Variants in NRCAM observed in about 807,000 individuals in gnomAD.
The protein encoded by NRCAM is neuronal cell adhesion molecule, also known as NgCAM-related cell adhesion molecule.
A neutral mutation model predicts 156.5 loss-of-function variants in NRCAM; 83 were observed. The observed-to-expected ratio is 0.53, with a 90% CI of 0.44 to 0.64. The LOEUF (loss-of-function observed/expected upper bound fraction) is 0.64. NRCAM is among the 30% of genes least tolerant of loss of function. The pLI, the probability that NRCAM is intolerant of heterozygous loss-of-function variation, is 0.00. For missense variants in NRCAM, 1,417 were observed against 1,597.3 expected, an observed-to-expected ratio of 0.89 and a Z score of 1.92; for synonymous variants, 538 against 563.9, an observed-to-expected ratio of 0.95 and a Z score of 0.65.
chr7:108,232,113 T>C (rs1448959876), intron 7 of NRCAM, among the ~76,000 whole-genome samples: 1 of 152,084 alleles, frequency 6.6e-6, no homozygotes, highest in African/African-American at 2.4e-5. Context: ...TACACAGGAC[T>C]TCTGTAAAAG....
At chr7:108,257,088 AAAG>A (rs947378679) in intron 3 of NRCAM, among the ~76,000 whole-genome samples, 15 of 150,916 alleles carry the variant, frequency 9.9e-5, no homozygotes, top group African/African-American at 3.7e-4. Context: ...GGAAGGAAGG[AAAG>A]AAGGAAGGAA....
intron 1 of NRCAM, among the ~76,000 whole-genome samples, chr7:108,423,443 T>C (rs1281312914): frequency 6.6e-6 from 1 of 151,850 alleles, no homozygotes; most frequent in African/African-American, 2.4e-5. Flanking sequence ...GAGGCACACA[T>C]AAAATGAGAA....
chr7:108,336,626 T>C (rs975998921), intron 2 of NRCAM, among the ~76,000 whole-genome samples: 3 of 152,212 alleles, frequency 2.0e-5, no homozygotes, highest in Non-Finnish European at 2.9e-5. Flanking sequence ...TTCTAAAAGA[T>C]TTTATCTGAG....
intron 3 of NRCAM, among the ~76,000 whole-genome samples, chr7:108,260,602 G>A (rs1295410728): frequency 6.6e-6 from 1 of 152,098 alleles, no homozygotes; most frequent in African/African-American, 2.4e-5. Context: ...GGATGTGCTT[G>A]GTCTAAGATT....
chr7:108,356,169 G>A (rs1010656803), intron 2 of NRCAM, among the ~76,000 whole-genome samples: 4 of 152,070 alleles, frequency 2.6e-5, no homozygotes, highest in Non-Finnish European at 4.4e-5. Flanking sequence ...GGCTGGTCTC[G>A]AACTCCTGAC....
At chr7:108,331,250 T>C (rs1216265899) in intron 2 of NRCAM, among the ~76,000 whole-genome samples, 1 of 151,692 alleles carries the variant, frequency 6.6e-6, no homozygotes, top group African/African-American at 2.4e-5. Context: ...AAAAGAAAAT[T>C]AGCTGGGTGT....
chr7:108,313,874 T>G (rs2098840411), intron 2 of NRCAM, among the ~76,000 whole-genome samples: 1 of 152,164 alleles, frequency 6.6e-6, no homozygotes, highest in African/African-American at 2.4e-5. Flanking sequence ...ACAACTCAAT[T>G]CAGCAAACTT....
chr7:108,234,868 G>A, intron 5 of NRCAM, 180 bp from the exon 6 acceptor site: 1 of 747,940 alleles, frequency 1.3e-6, no homozygotes. Flanking sequence ...TGCTAAAACT[G>A]TGAAGTCAAG....
chr7:108,419,161 A>G (rs1416662652), intron 1 of NRCAM, among the ~76,000 whole-genome samples: 2 of 152,136 alleles, frequency 1.3e-5, no homozygotes, highest in Non-Finnish European at 2.9e-5. Flanking sequence ...TCATCCCCGT[A>G]ACTGTTCTTA....
chr7:108,357,798 G>C (rs940145789), intron 2 of NRCAM, among the ~76,000 whole-genome samples: 3 of 152,302 alleles, frequency 2.0e-5, no homozygotes, highest in South Asian at 2.1e-4. Flanking sequence ...TTAGGCTTAA[G>C]TATTTCTAAC....
intron 28 of NRCAM, among the ~76,000 whole-genome samples, chr7:108,171,206 T>TGCTTCCGGTGTGCCG: frequency 6.6e-6 from 1 of 152,178 alleles, no homozygotes; most frequent in East Asian, 1.9e-4. Context: ...CCGGTGTGCC[T>TGCTTCCGGTGTGCCG]CGCCCAACTG....
intron 11 of NRCAM, among the ~76,000 whole-genome samples, chr7:108,217,517 A>G (rs964322681): frequency 6.6e-6 from 1 of 152,202 alleles, no homozygotes; most frequent in Non-Finnish European, 1.5e-5. Context: ...AGCTGCGCCC[A>G]CAGCTGCCCC....
intron 32 of NRCAM, among the ~76,000 whole-genome samples, chr7:108,153,050 T>C (rs1224248495): frequency 6.6e-6 from 1 of 152,144 alleles, no homozygotes; most frequent in Non-Finnish European, 1.5e-5. Context: ...CATTTTGAGA[T>C]ATTAAAGTTT....
chr7:108,374,176 A>T (rs1278697354), intron 2 of NRCAM, among the ~76,000 whole-genome samples: 1 of 152,184 alleles, frequency 6.6e-6, no homozygotes, highest in Admixed American at 6.6e-5. Context: ...AGCAGTCTTA[A>T]TGACTAGTAA....
Position 108,168,400 on chromosome 7 carries a change from G to T in NRCAM, c.3190C>A (p.Gln1064Lys), listed in dbSNP as rs2056240069. Residue 1064 changes from glutamine (Q) to lysine (K), a missense_variant and splice_region_variant, in exon 29 of 33, where the codon CAA becomes AAA. This residue lies in a region of NRCAM where 1,238 missense variants were observed against 1,336.4 expected (regional missense o/e 0.93). Transcript: ENST00000379028. ...TTGCTGATCCTGGGATTTACTGCTT[G>T]AACTAAACATACAATAGAAAAATAA... ...LPPDVGAGKV[Q>K]AVNPRISNLT... 6.3e-7 allele frequency: 1 copy of T among 1,596,440 alleles called. No homozygotes were observed. Among genetic ancestry groups the T allele is most frequent in the Non-Finnish European group, 8.5e-7 (1 of 1,174,222 alleles).
At chr7:108,275,669 C>G (rs919375559) in intron 3 of NRCAM, among the ~76,000 whole-genome samples, 1 of 152,138 alleles carries the variant, frequency 6.6e-6, no homozygotes, top group Non-Finnish European at 1.5e-5. Context: ...TTTTGTTGAT[C>G]TTTTCAAAAA....
At chr7:108,180,474 A>G in intron 24 of NRCAM, 47 bp from the exon 25 acceptor site, 1 of 1,457,462 alleles carries the variant, frequency 6.9e-7, no homozygotes, top group Non-Finnish European at 9.6e-7. Context: ...GGAGCAAACA[A>G]GATTCCTTAT....
chr7:108,203,715 G>A (rs2079431295), intron 13 of NRCAM, among the ~76,000 whole-genome samples: 1 of 152,144 alleles, frequency 6.6e-6, no homozygotes, highest in Admixed American at 6.5e-5. Flanking sequence ...GTGTGGCACA[G>A]GAGACAAACT....
At chr7:108,396,656 T>A (rs926555348) in intron 2 of NRCAM, among the ~76,000 whole-genome samples, 12 of 152,224 alleles carry the variant, frequency 7.9e-5, no homozygotes, top group Admixed American at 1.3e-4. Context: ...GGTTTAATCA[T>A]TACACAGTGT....
Sources: allele counts gnomAD v4.1 joint callset (sites outside exome capture counted in the v4.1 genomes callset), GRCh38; gene constraint gnomAD v4.1.1; regional missense constraint gnomAD v4.1.1; transcripts MANE v1.5; gene names NCBI Gene and HGNC (gene_info 2026-07-23, HGNC 2026-07-21).